The following ANKH variants were observed in gnomAD, a reference collection of about 807,000 sequenced individuals.
ANKH encodes the protein ANKH inorganic pyrophosphate transport regulator.
A neutral mutation model predicts 49.0 loss-of-function variants in ANKH; 15 were observed. The observed-to-expected ratio is 0.31, with a 90% CI of 0.20 to 0.47. The LOEUF (loss-of-function observed/expected upper bound fraction) is 0.47. Among genes scored for constraint, ANKH ranks in the 20% least tolerant of loss-of-function variants. The pLI, the probability that ANKH is intolerant of heterozygous loss-of-function variation, is 1.00. For synonymous variants in ANKH, 273 were observed against 260.0 expected, an observed-to-expected ratio of 1.05 and a Z score of -0.48; for missense variants, 429 against 652.0, an observed-to-expected ratio of 0.66 and a Z score of 3.72.
chr5:14,797,015 T>C (rs1180674351), intron 1 of ANKH: 1 of 1,162,598 alleles, frequency 8.6e-7, no homozygotes. Flanking sequence ...TGGTACCTAT[T>C]ATATAGAGGG....
intron 1 of ANKH, among the ~76,000 whole-genome samples, chr5:14,815,467 AT>A (rs754266474): frequency 1.3e-5 from 2 of 152,144 alleles, no homozygotes; most frequent in Non-Finnish European, 2.9e-5. Flanking sequence ...GTCACCTGCA[AT>A]TTTTGCTATT....
intron 1 of ANKH, among the ~76,000 whole-genome samples, chr5:14,790,597 C>T (rs142595506): frequency 1.1e-3 from 162 of 152,226 alleles, no homozygotes; most frequent in South Asian, 1.9e-3. Context: ...GAAACTGCTC[C>T]GTGGAAACCT....
intron 1 of ANKH, among the ~76,000 whole-genome samples, chr5:14,808,494 G>A (rs1367539897): frequency 6.6e-6 from 1 of 152,198 alleles, no homozygotes; most frequent in African/African-American, 2.4e-5. Flanking sequence ...GCCAGGTGCA[G>A]TGGCTCACAC....
At chr5:14,797,588 A>C in intron 1 of ANKH, 1 of 1,609,930 alleles carries the variant, frequency 6.2e-7, no homozygotes, top group Non-Finnish European at 8.5e-7. Context: ...CAGCAGTGTG[A>C]GTGTCAACTG....
chr5:14,760,779 G>A (rs1047069360), intron 2 of ANKH, among the ~76,000 whole-genome samples: 4 of 152,182 alleles, frequency 2.6e-5, no homozygotes, highest in East Asian at 1.9e-4. Context: ...TGAAGGTTAC[G>A]GTCACTATAA....
intron 1 of ANKH, among the ~76,000 whole-genome samples, chr5:14,860,516 T>C (rs1735449711): frequency 6.6e-6 from 1 of 152,202 alleles, no homozygotes. Flanking sequence ...TCAGAGAATT[T>C]TGTGTTGTTG....
chr5:14,837,905 C>T (rs556474801), intron 1 of ANKH, among the ~76,000 whole-genome samples: 5 of 152,276 alleles, frequency 3.3e-5, no homozygotes, highest in South Asian at 4.1e-4. Flanking sequence ...AAATGTGGCA[C>T]ATATATACCA....
At chr5:14,847,400 T>C (rs1340731687) in intron 1 of ANKH, among the ~76,000 whole-genome samples, 1 of 152,090 alleles carries the variant, frequency 6.6e-6, no homozygotes, top group Non-Finnish European at 1.5e-5. Flanking sequence ...GTCCTGACTG[T>C]GGGAGAAAGG....
chr5:14,844,754 A>C (rs1418434490), intron 1 of ANKH, among the ~76,000 whole-genome samples: 1 of 152,138 alleles, frequency 6.6e-6, no homozygotes, highest in Admixed American at 6.5e-5. Context: ...CACTCCTCAG[A>C]CTTGAAGAAT....
At chr5:14,818,439 C>T (rs916172792) in intron 1 of ANKH, among the ~76,000 whole-genome samples, 18 of 151,834 alleles carry the variant, frequency 1.2e-4, no homozygotes, top group East Asian at 1.2e-3. Context: ...GTCAGGAGTT[C>T]GAGACCAGCC....
chr5:14,796,975 AC>A, intron 1 of ANKH: 1 of 1,084,484 alleles, frequency 9.2e-7, no homozygotes, highest in Non-Finnish European at 1.2e-6. Flanking sequence ...TTTAGAAAAC[AC>A]CCACTGTTTG....
chr5:14,855,831 G>GAAAAAA (rs1205858076), intron 1 of ANKH, among the ~76,000 whole-genome samples: 1 of 122,780 alleles, frequency 8.1e-6, no homozygotes. Flanking sequence ...CCCTAAGGTG[G>GAAAAAA]AAAAAAAAAA....
In ANKH at chr5:14,711,196, C is replaced by T; in HGVS notation, c.*1G>A. ...CTGCAGTGCCCATGGCGTCCCGTGC[C>T]TTATTCATTCTCCTCTCTCATTTCC... On this transcript the variant is annotated 3_prime_UTR_variant, in exon 12 of 12. Transcript: ENST00000284268. 1.9e-6 allele frequency: 3 copies of T among 1,613,518 alleles called. No homozygotes were observed. Among genetic ancestry groups the T allele is most frequent in the Non-Finnish European group, 2.5e-6 (3 of 1,179,426 alleles).
At chr5:14,865,685 T>C (rs1735624536) in intron 1 of ANKH, among the ~76,000 whole-genome samples, 2 of 152,232 alleles carry the variant, frequency 1.3e-5, no homozygotes, top group South Asian at 2.1e-4. Flanking sequence ...ATATACTGCA[T>C]CTGTCCTTTT....
chr5:14,861,640 G>A (rs1735498135), intron 1 of ANKH, among the ~76,000 whole-genome samples: 1 of 152,138 alleles, frequency 6.6e-6, no homozygotes. Flanking sequence ...TGTCCCCCAG[G>A]CTGGGGACAG....
intron 1 of ANKH, among the ~76,000 whole-genome samples, chr5:14,846,712 C>A (rs575296891): frequency 4.8e-4 from 73 of 152,208 alleles, no homozygotes; most frequent in South Asian, 1.0e-3. Flanking sequence ...ACCTCAAGGG[C>A]CAAGGGTGGT....
chr5:14,719,407 T>C (rs75614917), intron 8 of ANKH, among the ~76,000 whole-genome samples: 1 of 152,166 alleles, frequency 6.6e-6, no homozygotes, highest in Non-Finnish European at 1.5e-5. Context: ...GAGCAAGGCA[T>C]GGGTGAAGCA....
chr5:14,717,662 T>C (rs139179997), intron 8 of ANKH, among the ~76,000 whole-genome samples: 16 of 152,314 alleles, frequency 1.1e-4, no homozygotes, highest in East Asian at 7.7e-4. Flanking sequence ...AGTCTCTGGA[T>C]GAGGTAAAAC....
chr5:14,727,487 T>C (rs1737857996), intron 8 of ANKH, among the ~76,000 whole-genome samples: 1 of 151,172 alleles, frequency 6.6e-6, no homozygotes, highest in African/African-American at 2.4e-5. Flanking sequence ...AATCTAGTAA[T>C]GCCGCGTTGG....
Sources: gnomAD v4.1 joint callset for allele counts (sites outside exome capture counted in the v4.1 genomes callset) on GRCh38, gnomAD v4.1.1 for gene constraint, MANE v1.5 for transcripts, NCBI Gene and HGNC (gene_info 2026-07-23, HGNC 2026-07-21) for gene names.